Variants in HSF2BP observed in about 807,000 individuals in gnomAD.
HSF2BP encodes heat shock transcription factor 2 binding protein.
In HSF2BP, 35 loss-of-function variants were observed where a neutral mutation model predicts 35.0. That is an observed-to-expected ratio of 1.00 (90% CI 0.76 to 1.32). The LOEUF (loss-of-function observed/expected upper bound fraction) is 1.32, where lower values mean the gene tolerates loss of function less well. Among genes scored for constraint, HSF2BP ranks in the 40% most tolerant of loss-of-function variants. The pLI is 0.00. For synonymous variants in HSF2BP, 114 were observed against 117.4 expected, an observed-to-expected ratio of 0.97 and a Z score of 0.18; for missense variants, 326 against 321.7, an observed-to-expected ratio of 1.01 and a Z score of -0.10.
chr21:43,645,245 CATCAGA>C (rs1217900027), intron 3 of HSF2BP, among the ~76,000 whole-genome samples: 1 of 152,164 alleles, frequency 6.6e-6, no homozygotes, highest in Non-Finnish European at 1.5e-5. Context: ...CTTTAGCGTA[CATCAGA>C]ATCCCTGGAG....
At chr21:43,592,169 G>C in intron 8 of HSF2BP, 56 bp downstream of exon 8, 1 of 1,161,588 alleles carries the variant, frequency 8.6e-7, no homozygotes, top group East Asian at 2.3e-5. Flanking sequence ...CCGTGGATAA[G>C]GGAGGACTAC....
Position 43,651,909 on chromosome 21 carries a change from G to A in HSF2BP, c.187+4678C>T, listed in dbSNP as rs976041578. 7.9e-5 allele frequency among the ~76,000 whole-genome samples: 12 copies of A among 152,290 alleles called. No individual in the cohort carries two copies. In the South Asian group the frequency reaches 2.5e-3, roughly 32 times the overall value. On this transcript the variant is annotated intron_variant, in intron 3 of 8. Transcript: ENST00000291560. ...TTTACCTTGCCCAGTCCTCCCAAAG[G>A]GAGATGCTGGGCTAGAGTCAAAATC...
At chr21:43,593,651 A>C (rs1479111099) in intron 7 of HSF2BP, among the ~76,000 whole-genome samples, 1 of 152,242 alleles carries the variant, frequency 6.6e-6, no homozygotes, top group East Asian at 1.9e-4. Flanking sequence ...GCCAATTCAA[A>C]AATAACAGCA....
chr21:43,588,778 A>ATAGT (rs2081889962), intron 8 of HSF2BP, among the ~76,000 whole-genome samples: 1 of 152,166 alleles, frequency 6.6e-6, no homozygotes, highest in Non-Finnish European at 1.5e-5. Context: ...ACCAGCCTGA[A>ATAGT]TAGTTACCTT....
chr21:43,588,326 C>T (rs1188843468), intron 8 of HSF2BP, among the ~76,000 whole-genome samples: 1 of 152,044 alleles, frequency 6.6e-6, no homozygotes, highest in Non-Finnish European at 1.5e-5. Flanking sequence ...TGCAGTGAAC[C>T]AAGATTGCAT....
At chr21:43,627,933 T>C (rs1601691545) in intron 6 of HSF2BP, among the ~76,000 whole-genome samples, 1 of 152,354 alleles carries the variant, frequency 6.6e-6, no homozygotes, top group South Asian at 2.1e-4. Context: ...CTGTGATCAA[T>C]GATCTTTGAT....
intron 7 of HSF2BP, among the ~76,000 whole-genome samples, chr21:43,607,365 C>G (rs1464555690): frequency 6.6e-6 from 1 of 150,758 alleles, no homozygotes. Flanking sequence ...CACACACACA[C>G]AAAAACCTAG....
intron 8 of HSF2BP, among the ~76,000 whole-genome samples, chr21:43,590,328 T>C (rs567047853): frequency 4.6e-5 from 7 of 152,338 alleles, no homozygotes; most frequent in East Asian, 3.9e-4. Context: ...GGTATCCCTA[T>C]TGGAATGTCT....
intron 6 of HSF2BP, among the ~76,000 whole-genome samples, chr21:43,624,919 C>A (rs2082371693): frequency 6.6e-6 from 1 of 152,054 alleles, no homozygotes; most frequent in Admixed American, 6.5e-5. Flanking sequence ...TACTACGGTT[C>A]AGTAGAAAAT....
chr21:43,593,484 G>A (rs2081951340), intron 7 of HSF2BP, among the ~76,000 whole-genome samples: 2 of 152,080 alleles, frequency 1.3e-5, no homozygotes, highest in Admixed American at 1.3e-4. Flanking sequence ...GCAACAGCCA[G>A]CACAAAGAAC....
chr21:43,657,879 C>G, intron 2 of HSF2BP, 182 bp downstream of exon 2: 1 of 985,474 alleles, frequency 1.0e-6, no homozygotes, highest in Non-Finnish European at 1.2e-6. Context: ...GAGGCGAAGT[C>G]GCCTCCCGCC....
chr21:43,610,026 G>A (rs2146900225), intron 7 of HSF2BP: 1 of 152,576 alleles, frequency 6.6e-6, no homozygotes, highest in Admixed American at 6.5e-5. Flanking sequence ...AAGTTGAAGG[G>A]GGACTTTAGC....
Position 43,582,291 on chromosome 21 carries a change from GGGATGAAGA to G in HSF2BP, c.796+9925_796+9933del, listed in dbSNP as rs1217439501. ...TGAGGGGGATGAAGGCCTGCTGAGG[GGGATGAAGA>G]CCTGCTGTGGGAGATAAGGGCCTGT... is the stretch of plus-strand genomic sequence containing the variant. On this transcript the variant is annotated intron_variant, in intron 8 of 8. Coordinates refer to ENST00000291560, the MANE Select transcript of HSF2BP (RefSeq NM_007031.2). 2.2e-4 allele frequency among the ~76,000 whole-genome samples: 32 copies of G among 142,862 alleles called. 1 individual carries two copies. Among genetic ancestry groups the G allele is most frequent in the African/African-American group, 8.5e-4 (30 of 35,090 alleles). 93.7% of individuals were successfully genotyped at this position (142,862 alleles called of 152,430 possible).
chr21:43,616,728 T>G (rs1162644569), intron 6 of HSF2BP, among the ~76,000 whole-genome samples: 1 of 151,854 alleles, frequency 6.6e-6, no homozygotes, highest in Admixed American at 6.6e-5. Context: ...GGTCTGGAGA[T>G]CAAGATCATC....
chr21:43,619,436 G>A (rs1174857282), intron 6 of HSF2BP, among the ~76,000 whole-genome samples: 4 of 152,076 alleles, frequency 2.6e-5, no homozygotes, highest in Non-Finnish European at 4.4e-5. Flanking sequence ...AACCAAAAAC[G>A]AACATACAGC....
At position 43,644,283 on chromosome 21, in the gene HSF2BP, T is replaced by C. The variant is rs73223101; in HGVS notation, c.291+6A>G. On this transcript the variant is annotated splice_donor_region_variant and intron_variant, in intron 4 of 8. Coordinates refer to ENST00000291560, the MANE Select transcript of HSF2BP (RefSeq NM_007031.2). The stretch of plus-strand genomic sequence containing the variant: ...CTTGGTGAGAGTCTGTCCCTGAGCA[T>C]GGTACCTTCTTCTCTCTTATGTTGT... 0.028 allele frequency: 45,513 copies of C among 1,609,944 alleles called. 806 individuals carry two copies. Among genetic ancestry groups the C allele is most frequent in the Non-Finnish European group, 0.035 (41,426 of 1,176,166 alleles).
chr21:43,605,263 C>T, intron 7 of HSF2BP, among the ~76,000 whole-genome samples: 1 of 149,788 alleles, frequency 6.7e-6, no homozygotes, highest in East Asian at 2.0e-4. Context: ...ACCCACATCA[C>T]ACACCACAGA....
intron 3 of HSF2BP, among the ~76,000 whole-genome samples, chr21:43,653,240 A>AAGGGG (rs1214675171): frequency 4.7e-5 from 5 of 107,178 alleles, no homozygotes; most frequent in Non-Finnish European, 7.6e-5. Flanking sequence ...AGGGGAAGGG[A>AAGGGG]AGGGGAGGGG....
rs2082906131 is a variant in HSF2BP at position 43,658,135 on chromosome 21, C to G, written c.-39G>C. ...TCCGCTCCGTTCGCCTGAGCGTCGG[C>G]GCGCCCTCTGACCCCTCACGCCAGA... On this transcript the variant is annotated 5_prime_UTR_variant, in exon 2 of 9. Coordinates refer to ENST00000291560, the MANE Select transcript of HSF2BP (RefSeq NM_007031.2). The G allele has an allele frequency of 6.6e-7, 1 of 1,505,260 alleles. No individual in the cohort carries two copies. The highest frequency in any genetic ancestry group is 1.4e-5 in the African/African-American group (1 of 71,544). 93.2% of individuals were successfully genotyped at this position (1,505,260 alleles called of 1,614,324 possible).
Sources: allele counts gnomAD v4.1 joint callset (sites outside exome capture counted in the v4.1 genomes callset), GRCh38; gene constraint gnomAD v4.1.1; transcripts MANE v1.5; gene names NCBI Gene and HGNC (gene_info 2026-07-23, HGNC 2026-07-21).